The following CREB5 variants were observed in gnomAD, a reference collection of about 807,000 sequenced individuals.
The protein encoded by CREB5 is cAMP responsive element binding protein 5.
A neutral mutation model predicts 57.1 loss-of-function variants in CREB5; 19 were observed. The observed-to-expected ratio is 0.33, with a 90% CI of 0.23 to 0.49. The LOEUF is 0.49. Among genes scored for constraint, CREB5 ranks in the 20% least tolerant of loss-of-function variants. The pLI is 0.99. For missense variants in CREB5, 579 were observed against 671.6 expected (o/e 0.86, Z 1.52); for synonymous variants, 238 against 238.3 (o/e 1.00, Z 0.01).
chr7:28,537,668 T>A (rs540739903), intron 4 of CREB5, among the ~76,000 whole-genome samples: 11 of 152,306 alleles, frequency 7.2e-5, no homozygotes, highest in Admixed American at 3.3e-4. Context: ...CAACAGGGTA[T>A]GCTTACAAAT....
intron 4 of CREB5, among the ~76,000 whole-genome samples, chr7:28,519,784 C>A (rs1003956038): frequency 6.6e-6 from 1 of 152,206 alleles, no homozygotes; most frequent in Non-Finnish European, 1.5e-5. Context: ...ATAACACTGA[C>A]GGAATATTCC....
intron 7 of CREB5, among the ~76,000 whole-genome samples, chr7:28,764,170 G>A (rs1805822637): frequency 6.6e-6 from 1 of 151,948 alleles, no homozygotes; most frequent in South Asian, 2.1e-4. Flanking sequence ...TTTTCTTCAA[G>A]GACTACTCAG....
chr7:28,805,487 A>C (rs532505764), intron 8 of CREB5, among the ~76,000 whole-genome samples: 1 of 152,200 alleles, frequency 6.6e-6, no homozygotes, highest in African/African-American at 2.4e-5. Flanking sequence ...CCGCCAAAAA[A>C]CACTTATTCA....
At chr7:28,589,293 G>A (rs746760999) in intron 5 of CREB5, among the ~76,000 whole-genome samples, 4 of 152,054 alleles carry the variant, frequency 2.6e-5, no homozygotes, top group South Asian at 2.1e-4. Flanking sequence ...AGTGGCTCAC[G>A]CATGTAATCT....
intron 5 of CREB5, among the ~76,000 whole-genome samples, chr7:28,706,854 TATC>T (rs1046495357): frequency 6.8e-4 from 103 of 152,118 alleles, no homozygotes; most frequent in African/African-American, 1.2e-3. Flanking sequence ...TGTTTCAAGT[TATC>T]ATAGCCCTTA....
At chr7:28,795,304 C>G (rs1807962691) in intron 7 of CREB5, among the ~76,000 whole-genome samples, 1 of 152,144 alleles carries the variant, frequency 6.6e-6, no homozygotes, top group Non-Finnish European at 1.5e-5. Context: ...CTGATTCCTG[C>G]TCAATTTCTC....
intron 5 of CREB5, among the ~76,000 whole-genome samples, chr7:28,571,265 C>T (rs1267280234): frequency 1.3e-5 from 2 of 152,112 alleles, no homozygotes; most frequent in Non-Finnish European, 2.9e-5. Flanking sequence ...TATTTTTGGA[C>T]CACGATTAAC....
chr7:28,818,759 A>C (rs1409811793), intron 10 of CREB5: 11 of 468,218 alleles, frequency 2.3e-5, no homozygotes, highest in South Asian at 6.2e-5. Flanking sequence ...ATAATTTTTT[A>C]GATTGAGCAA....
intron 5 of CREB5, among the ~76,000 whole-genome samples, chr7:28,581,068 G>A (rs1796104844): frequency 6.6e-6 from 1 of 152,154 alleles, no homozygotes; most frequent in African/African-American, 2.4e-5. Flanking sequence ...AACAAGATGG[G>A]TCTTCAGTTA....
intron 1 of CREB5, among the ~76,000 whole-genome samples, chr7:28,414,811 C>G (rs987440846): frequency 2.0e-5 from 3 of 151,562 alleles, no homozygotes; most frequent in Non-Finnish European, 4.4e-5. Context: ...AAGAGAGAAG[C>G]CTTTTAGAAA....
intron 9 of CREB5, among the ~76,000 whole-genome samples, chr7:28,815,139 G>A (rs1475102422): frequency 6.6e-6 from 1 of 152,102 alleles, no homozygotes; most frequent in Non-Finnish European, 1.5e-5. Context: ...TGGGCATTGT[G>A]GCACATGTCT....
upstream of CREB5, among the ~76,000 whole-genome samples, chr7:28,407,728 C>G (rs1241403208): frequency 6.6e-6 from 1 of 152,278 alleles, no homozygotes; most frequent in Middle Eastern, 3.4e-3. Flanking sequence ...TTTCAAGGAA[C>G]ACTAAAGGGC....
intron 1 of CREB5, among the ~76,000 whole-genome samples, chr7:28,342,508 G>A (rs1388018579): frequency 6.6e-6 from 1 of 152,192 alleles, no homozygotes; most frequent in Non-Finnish European, 1.5e-5. Context: ...ATTAACAAAT[G>A]CTTGCATCTG....
intron 5 of CREB5, among the ~76,000 whole-genome samples, chr7:28,609,572 T>G (rs1797306842): frequency 6.6e-6 from 1 of 152,212 alleles, no homozygotes; most frequent in African/African-American, 2.4e-5. Context: ...TAAAGACAAC[T>G]GTATGAAAAA....
At chr7:28,525,807 A>G (rs530385546) in intron 4 of CREB5, among the ~76,000 whole-genome samples, 1 of 152,280 alleles carries the variant, frequency 6.6e-6, no homozygotes, top group South Asian at 2.1e-4. Flanking sequence ...TATCAATGGC[A>G]GGTCTTAGTT....
chr7:28,524,316 A>AACAC (rs4000595), intron 4 of CREB5, among the ~76,000 whole-genome samples: 18,502 of 136,452 alleles, frequency 0.14, 1,470 homozygotes, highest in East Asian at 0.29. Context: ...GCCTCTACTA[A>AACAC]ACACACACAC....
At chr7:28,686,862 C>T (rs949394256) in intron 5 of CREB5, among the ~76,000 whole-genome samples, 1 of 151,936 alleles carries the variant, frequency 6.6e-6, no homozygotes, top group African/African-American at 2.4e-5. Context: ...TTTAAAATAA[C>T]ACGATATTAT....
intron 1 of CREB5, among the ~76,000 whole-genome samples, chr7:28,333,744 G>A (rs1785759184): frequency 6.6e-6 from 1 of 152,098 alleles, no homozygotes; most frequent in African/African-American, 2.4e-5. Context: ...TTTTATGGCT[G>A]AATAGTACTC....
At position 28,795,383 on chromosome 7, in the gene CREB5, T is replaced by G. The variant is rs80140287; in HGVS notation, c.703-8816T>G. 6.5e-3 allele frequency among the ~76,000 whole-genome samples: 986 copies of G among 152,346 alleles called. 14 individuals are homozygous for G. The highest frequency in any genetic ancestry group is 0.023 in the African/African-American group (947 of 41,580). ...TTAAACACTCTCGACTAGCTTTGTA[T>G]TATACACAGTTGATGGCTGTGACTT... On this transcript the variant is annotated intron_variant, in intron 7 of 10. Coordinates refer to ENST00000357727, the MANE Select transcript of CREB5 (RefSeq NM_182898.4).
Sources: gnomAD v4.1 joint callset for allele counts (sites outside exome capture counted in the v4.1 genomes callset) on GRCh38, gnomAD v4.1.1 for gene constraint, MANE v1.5 for transcripts, NCBI Gene and HGNC (gene_info 2026-07-23, HGNC 2026-07-21) for gene names.